Variants in MACROD2 observed in about 807,000 individuals in gnomAD.
MACROD2 encodes the protein mono-ADP ribosylhydrolase 2.
MACROD2 carries 36 observed loss-of-function variants against 70.4 expected under a neutral mutation model. The observed-to-expected ratio is 0.51, with a 90% CI of 0.39 to 0.68. The LOEUF (loss-of-function observed/expected upper bound fraction) is 0.68. Among genes scored for constraint, MACROD2 ranks in the 30% least tolerant of loss-of-function variants. The pLI is 0.00. For synonymous variants in MACROD2, 172 were observed against 178.8 expected, an observed-to-expected ratio of 0.96 and a Z score of 0.30; for missense variants, 496 against 538.4, an observed-to-expected ratio of 0.92 and a Z score of 0.78.
At chr20:14,361,664 C>T (rs1329096004) in intron 3 of MACROD2, among the ~76,000 whole-genome samples, 1 of 152,142 alleles carries the variant, frequency 6.6e-6, no homozygotes, top group Non-Finnish European at 1.5e-5. Context: ...AAAGGGTGAA[C>T]AGGGTCATTT....
chr20:14,454,980 C>G (rs1330734230), intron 3 of MACROD2, among the ~76,000 whole-genome samples: 1 of 151,916 alleles, frequency 6.6e-6, no homozygotes, highest in Non-Finnish European at 1.5e-5. Context: ...TCTCGATCTC[C>G]TGACCTCGTG....
chr20:14,301,057 C>G (rs184554467), intron 3 of MACROD2, among the ~76,000 whole-genome samples: 1 of 152,172 alleles, frequency 6.6e-6, no homozygotes, highest in Non-Finnish European at 1.5e-5. Flanking sequence ...CGCCACGATC[C>G]TATCAGGTAT....
At chr20:14,318,056 A>C (rs2082628532) in intron 3 of MACROD2, among the ~76,000 whole-genome samples, 1 of 152,186 alleles carries the variant, frequency 6.6e-6, no homozygotes, top group African/African-American at 2.4e-5. Context: ...GGGTATATTC[A>C]TTAACATTGA....
chr20:15,741,113 G>A (rs1473265837), intron 8 of MACROD2, among the ~76,000 whole-genome samples: 2 of 122,424 alleles, frequency 1.6e-5, no homozygotes, highest in Non-Finnish European at 3.3e-5. Flanking sequence ...TTTTTTTTGA[G>A]GTGGAGTCTC....
At chr20:15,232,108 T>A (rs2076964283) in intron 6 of MACROD2, among the ~76,000 whole-genome samples, 1 of 151,794 alleles carries the variant, frequency 6.6e-6, no homozygotes. Flanking sequence ...TTTTTTGGAG[T>A]AAATGGGGCT....
chr20:15,541,583 A>C (rs1260030441), intron 8 of MACROD2, among the ~76,000 whole-genome samples: 1 of 152,180 alleles, frequency 6.6e-6, no homozygotes, highest in African/African-American at 2.4e-5. Flanking sequence ...ATCTGGTTTG[A>C]TATTGAGGTT....
intron 8 of MACROD2, among the ~76,000 whole-genome samples, chr20:15,734,042 A>G (rs2050984370): frequency 6.6e-6 from 1 of 152,180 alleles, no homozygotes; most frequent in Non-Finnish European, 1.5e-5. Flanking sequence ...AAACATGGAG[A>G]AAGATTACTT....
chr20:14,827,427 A>G (rs1040875444), intron 5 of MACROD2, among the ~76,000 whole-genome samples: 8 of 152,142 alleles, frequency 5.3e-5, no homozygotes, highest in Admixed American at 2.6e-4. Flanking sequence ...TATTCCACAT[A>G]TGGCATGGAT....
intron 5 of MACROD2, among the ~76,000 whole-genome samples, chr20:14,853,416 C>A (rs2073221068): frequency 6.6e-6 from 1 of 151,698 alleles, no homozygotes; most frequent in Admixed American, 6.6e-5. Flanking sequence ...GCTTTCATGG[C>A]CCGTCTTCCT....
chr20:15,046,770 C>G (rs1156517866), intron 5 of MACROD2, among the ~76,000 whole-genome samples: 1 of 152,190 alleles, frequency 6.6e-6, no homozygotes, highest in Non-Finnish European at 1.5e-5. Flanking sequence ...CAGTTGGCCT[C>G]TCTGTCTACT....
chr20:15,513,706 T>C (rs2047531188), intron 8 of MACROD2, among the ~76,000 whole-genome samples: 1 of 152,254 alleles, frequency 6.6e-6, no homozygotes, highest in Admixed American at 6.5e-5. Context: ...ATGTGGCATC[T>C]TGCTTCATTA....
intron 6 of MACROD2, among the ~76,000 whole-genome samples, chr20:15,414,884 C>T (rs1041624568): frequency 6.6e-6 from 1 of 152,140 alleles, no homozygotes; most frequent in African/African-American, 2.4e-5. Flanking sequence ...TCAGCCTGCC[C>T]CAGAGAAACG....
intron 3 of MACROD2, among the ~76,000 whole-genome samples, chr20:14,376,727 G>A (rs1262862844): frequency 6.7e-6 from 1 of 149,892 alleles, no homozygotes; most frequent in Non-Finnish European, 1.5e-5. Context: ...TCCAGCCTGG[G>A]TGACAGAATG....
rs34614883 is a variant in MACROD2 at position 14,485,027 on chromosome 20, G to GT, written c.272-8443dup. On this transcript the variant is annotated intron_variant, in intron 3 of 17. Coordinates refer to ENST00000684519, the MANE Select transcript of MACROD2 (RefSeq NM_001351661.2). ...TGGATCATATGGTAGCTCTGTTTTT[G>GT]TTTTTTTTTGTGAAATCTCTAAACT... Among the ~76,000 whole-genome samples the GT allele has an allele frequency of 3.1e-3, 462 of 150,364 alleles. 1 individual carries two copies. The highest frequency in any genetic ancestry group is 5.0e-3 in the Non-Finnish European group (338 of 67,536).
intron 8 of MACROD2, among the ~76,000 whole-genome samples, chr20:15,536,252 T>C (rs1361727311): frequency 1.3e-5 from 2 of 152,230 alleles, no homozygotes; most frequent in Non-Finnish European, 2.9e-5. Flanking sequence ...CTGGTTTTGT[T>C]CTTTACTGAA....
In MACROD2 at chr20:15,424,092, C is replaced by A. The variant is rs188079340; in HGVS notation, c.541-7313C>A. ...ACTCATGAGGCCTCCACCCTCATGA[C>A]CTAATCACCTCCCAAAGGCCCCACC... On this transcript the variant is annotated intron_variant, in intron 6 of 17. Transcript: ENST00000684519. Among the ~76,000 whole-genome samples, 51 of 152,202 alleles carry A rather than the reference C, an allele frequency of 3.4e-4. No individual in the cohort carries two copies. In the East Asian group the frequency reaches 9.3e-3, roughly 28 times the overall value.
At chr20:14,407,758 GT>G (rs2083707375) in intron 3 of MACROD2, among the ~76,000 whole-genome samples, 2 of 152,272 alleles carry the variant, frequency 1.3e-5, no homozygotes, top group Admixed American at 6.5e-5. Flanking sequence ...TAGGCAAAAT[GT>G]GATTCACAAT....
At chr20:15,561,296 G>A (rs2048241078) in intron 8 of MACROD2, among the ~76,000 whole-genome samples, 1 of 152,200 alleles carries the variant, frequency 6.6e-6, no homozygotes, top group African/African-American at 2.4e-5. Context: ...AGCAGCATAT[G>A]CAAAGTGAAC....
chr20:14,267,598 A>G (rs1169621527), intron 3 of MACROD2, among the ~76,000 whole-genome samples: 1 of 152,144 alleles, frequency 6.6e-6, no homozygotes, highest in Non-Finnish European at 1.5e-5. Context: ...CAGGGCAATA[A>G]GCATAAACTA....
Sources: allele counts gnomAD v4.1 joint callset (sites outside exome capture counted in the v4.1 genomes callset), GRCh38; gene constraint gnomAD v4.1.1; transcripts MANE v1.5; gene names NCBI Gene and HGNC (gene_info 2026-07-23, HGNC 2026-07-21).